The following PDE4A variants were observed in gnomAD, a reference collection of about 807,000 sequenced individuals.
The protein encoded by PDE4A is phosphodiesterase 4A.
A neutral mutation model predicts 73.9 loss-of-function variants in PDE4A; 21 were observed. That is an observed-to-expected ratio of 0.28 (90% CI 0.20 to 0.41). The LOEUF (loss-of-function observed/expected upper bound fraction) is 0.41, where lower values mean the gene tolerates loss of function less well. Ranked by LOEUF, PDE4A falls within the 10% of genes least tolerant of loss-of-function variation. PDE4A has a pLI of 1.00. For missense variants in PDE4A, 958 were observed against 1,211.4 expected (o/e 0.79, Z 3.10); for synonymous variants, 463 against 505.4 (o/e 0.92, Z 1.13).
rs571534529 is a variant in PDE4A, at chr19:10,461,804, T to G, written c.1621-73T>G. On this transcript the variant is annotated intron_variant, in intron 12 of 14. Transcript: ENST00000380702. The stretch of plus-strand genomic sequence containing the variant: ...GACAGAGCGGGCGGCTTCTACCTGG[T>G]GAAAACTTCAGAGGCCCGGGTCAGT... 1.6e-5 allele frequency: 26 copies of G among 1,582,178 alleles called. No individual in the cohort carries two copies. In the South Asian group the frequency reaches 2.6e-4, roughly 16 times the overall value.
chr19:10,438,386 C>G (rs975088116), intron 1 of PDE4A, among the ~76,000 whole-genome samples: 5 of 151,946 alleles, frequency 3.3e-5, no homozygotes, highest in African/African-American at 1.2e-4. Context: ...GCTGGGATTA[C>G]AGGCGTGAGC....
intron 4 of PDE4A, among the ~76,000 whole-genome samples, chr19:10,449,494 G>A (rs2043060837): frequency 6.6e-6 from 1 of 151,958 alleles, no homozygotes; most frequent in Non-Finnish European, 1.5e-5. Flanking sequence ...CGGGTAGCTG[G>A]GATTACAGGC....
chr19:10,420,583 C>T lies in PDE4A; in HGVS notation c.-182C>T. 1 of 1,269,604 alleles carries T rather than the reference C, an allele frequency of 7.9e-7. No individual in the cohort carries two copies. Among genetic ancestry groups the T allele is most frequent in the Non-Finnish European group, 9.9e-7 (1 of 1,011,026 alleles). The allele number at this position is 1,269,604 out of a possible 1,614,324, so 78.6% of individuals were successfully genotyped here. ...CAGAGCTCCAGGCGCCGAAAGGAAG[C>T]TGCAGAGCCCGGCCCGGGGGCGATT... On this transcript the variant is annotated 5_prime_UTR_variant, in exon 1 of 15. Transcript: ENST00000380702. This position sits in a 1 kb window ranked among gnomAD's most constrained non-coding sequence, Gnocchi z 6.0.
chr19:10,457,840 G>A (rs749389952), intron 7 of PDE4A, 39 bp from the exon 8 acceptor site: 1 of 1,609,844 alleles, frequency 6.2e-7, no homozygotes, highest in Non-Finnish European at 8.5e-7. Context: ...AGGGGTGGAA[G>A]GGTTGTTCAC....
chr19:10,426,475 C>T (rs1008623658), intron 1 of PDE4A, among the ~76,000 whole-genome samples: 1 of 152,020 alleles, frequency 6.6e-6, no homozygotes, highest in Non-Finnish European at 1.5e-5. Flanking sequence ...GACAATTCTT[C>T]GCCTTTCAGT....
Position 10,453,383 on chromosome 19 carries a change from G to C in PDE4A, c.784-1446G>C. 1 of 1,578,624 alleles carries C rather than the reference G, an allele frequency of 6.3e-7. No individual in the cohort carries two copies. The highest frequency in any genetic ancestry group is 1.8e-4 in the Middle Eastern group (1 of 5,540). Reference sequence around the variant, plus strand: ...GGGCATCCTGGTGAGCTGGGCCCCCGGTGTGGGCTTGTGTGTGCAGCTGTG... The same window carrying C: ...GGGCATCCTGGTGAGCTGGGCCCCCCGTGTGGGCTTGTGTGTGCAGCTGTG... On this transcript the variant is annotated intron_variant, in intron 6 of 14. Transcript: ENST00000380702. This position sits in a 1 kb window ranked among gnomAD's most constrained non-coding sequence, Gnocchi z 4.6.
intron 2 of PDE4A, among the ~76,000 whole-genome samples, chr19:10,447,101 C>T (rs548343655): frequency 2.0e-5 from 3 of 148,610 alleles, no homozygotes; most frequent in African/African-American, 7.4e-5. Flanking sequence ...GGGGTTTCAC[C>T]GTGTTAGCCA....
upstream of PDE4A, chr19:10,417,514 G>A: frequency 7.0e-7 from 1 of 1,429,874 alleles, no homozygotes; most frequent in South Asian, 1.5e-5. Context: ...CTCTGTGTGA[G>A]GGGTCAGCGA....
chr19:10,419,004 G>A, upstream of PDE4A: 6 of 984,622 alleles, frequency 6.1e-6, no homozygotes, highest in Non-Finnish European at 7.2e-6. Flanking sequence ...CCCACGCCGG[G>A]AGCCCCCTCT....
intron 1 of PDE4A, among the ~76,000 whole-genome samples, chr19:10,426,263 G>C (rs1157651792): frequency 6.6e-6 from 1 of 152,196 alleles, no homozygotes. Flanking sequence ...ATTTCTAGCA[G>C]ATTCGTTCAT....
intron 1 of PDE4A, among the ~76,000 whole-genome samples, chr19:10,441,407 G>A (rs903242729): frequency 2.6e-5 from 4 of 151,610 alleles, no homozygotes; most frequent in East Asian, 3.9e-4. Context: ...GATTACAGGC[G>A]TGAGCCACCG....
chr19:10,421,494 G>A (rs1253990685), intron 1 of PDE4A, among the ~76,000 whole-genome samples: 19 of 152,164 alleles, frequency 1.2e-4, no homozygotes, highest in Admixed American at 1.2e-3. Context: ...TCCATAAGGG[G>A]GTGCCTGCTA....
At chr19:10,429,013 G>A in intron 1 of PDE4A, 2 of 359,432 alleles carry the variant, frequency 5.6e-6, no homozygotes, top group Non-Finnish European at 7.7e-6. Context: ...GCTGAGGCAC[G>A]AGAATCCTTT....
chr19:10,453,369 T>A lies in PDE4A; in HGVS notation c.784-1460T>A. The A allele has an allele frequency of 1.3e-6, 2 of 1,595,244 alleles. No homozygotes were observed. The highest frequency in any genetic ancestry group is 1.7e-6 in the Non-Finnish European group (2 of 1,173,184). ...GGTAGGGGGTGGGCGGGCATCCTGGTGAGCTGGGCCCCCGGTGTGGGCTTG... is the reference window on the plus strand; with the variant it reads ...GGTAGGGGGTGGGCGGGCATCCTGGAGAGCTGGGCCCCCGGTGTGGGCTTG... On this transcript the variant is annotated intron_variant, in intron 6 of 14. Coordinates refer to ENST00000380702, the MANE Select transcript of PDE4A (RefSeq NM_001111307.2). The surrounding 1 kb of genome is among the most constrained non-coding windows in gnomAD (Gnocchi z 4.6).
chr19:10,416,803 T>A (rs1303821874), upstream of PDE4A: 1 of 1,517,578 alleles, frequency 6.6e-7, no homozygotes, highest in Admixed American at 2.0e-5. Flanking sequence ...AATAGGCAAG[T>A]GGCGGGGGCG....
chr19:10,439,843 T>G (rs2042912906), intron 1 of PDE4A, among the ~76,000 whole-genome samples: 1 of 152,048 alleles, frequency 6.6e-6, no homozygotes, highest in Non-Finnish European at 1.5e-5. Flanking sequence ...AGTGGCATCC[T>G]GGAGAGAAGG....
intron 12 of PDE4A, 50 bp downstream of exon 12, chr19:10,461,730 A>C: frequency 1.2e-6 from 2 of 1,605,304 alleles, no homozygotes; most frequent in Non-Finnish European, 1.7e-6. Flanking sequence ...CTAGGAGTCG[A>C]GGGCTTTGGG....
chr19:10,442,950 T>A (rs191299899), intron 1 of PDE4A, among the ~76,000 whole-genome samples: 37 of 151,828 alleles, frequency 2.4e-4, no homozygotes, highest in African/African-American at 7.5e-4. Context: ...TGCATATGCA[T>A]GTGTATGTAA....
rs568029268 is a variant in PDE4A, at chr19:10,431,226, C to A, written c.320+10142C>A. ...AGCAGCGATCAAAATCATCCCTGAC[C>A]GCCAGGGTTGCCCTGGAGACCTCTG... On this transcript the variant is annotated intron_variant, in intron 1 of 14. Coordinates refer to ENST00000380702, the MANE Select transcript of PDE4A (RefSeq NM_001111307.2). 2.9e-4 allele frequency: 174 copies of A among 592,282 alleles called. 1 individual carries two copies. The highest frequency in any genetic ancestry group is 2.5e-3 in the South Asian group (83 of 33,728). 36.7% of individuals were successfully genotyped at this position (592,282 alleles called of 1,614,324 possible). A position where few individuals can be genotyped will look rare whatever the true frequency, so the allele number is the denominator to read the frequency against.
Sources: allele counts gnomAD v4.1 joint callset (sites outside exome capture counted in the v4.1 genomes callset), GRCh38; gene constraint gnomAD v4.1.1; non-coding constraint Gnocchi (gnomAD v3.1); transcripts MANE v1.5; gene names NCBI Gene and HGNC (gene_info 2026-07-23, HGNC 2026-07-21).